SP100: variants seen among roughly 807,000 people sequenced by gnomAD.
SP100 encodes the protein SP100 nuclear body protein.
In SP100, 84 loss-of-function variants were observed where a neutral mutation model predicts 130.0. The ratio of observed to expected loss-of-function variants is 0.65; its 90% confidence interval spans 0.54 to 0.77. SP100 has a LOEUF of 0.77. Ranked by LOEUF, SP100 falls within the 30% of genes least tolerant of loss-of-function variation. The pLI is 0.00. For synonymous variants in SP100, 331 were observed against 351.7 expected (o/e 0.94, Z 0.66); for missense variants, 978 against 1,052.2 (o/e 0.93, Z 0.97).
intron 8 of SP100, among the ~76,000 whole-genome samples, chr2:230,454,248 T>C (rs2064156076): frequency 6.6e-6 from 1 of 152,092 alleles, no homozygotes; most frequent in Non-Finnish European, 1.5e-5. Context: ...CAGTGCTTTG[T>C]TTTGTTGATC....
chr2:230,423,238 T>C (rs2062822774), intron 2 of SP100, among the ~76,000 whole-genome samples: 1 of 152,190 alleles, frequency 6.6e-6, no homozygotes, highest in Admixed American at 6.5e-5. Flanking sequence ...TTTTGATTGT[T>C]TATTGTCCTA....
chr2:230,482,645 C>T (rs893660862), intron 17 of SP100, among the ~76,000 whole-genome samples: 2 of 151,582 alleles, frequency 1.3e-5, no homozygotes, highest in East Asian at 3.9e-4. Flanking sequence ...TTTCTTCTAG[C>T]TTCTCCACTG....
At chr2:230,483,564 A>G (rs1649926) in intron 17 of SP100, among the ~76,000 whole-genome samples, 152,211 of 152,286 alleles carry the variant, frequency 1, 76,068 homozygotes, top group Middle Eastern at 1. Context: ...ACGTTGTGAG[A>G]ACTTCCTCTG....
At chr2:230,461,194 A>G in intron 8 of SP100, 68 bp from the exon 9 acceptor site, 1 of 1,455,224 alleles carries the variant, frequency 6.9e-7, no homozygotes, top group Non-Finnish European at 9.5e-7. Flanking sequence ...AGAGAGGGGG[A>G]GTTATTAATG....
In SP100 at chr2:230,473,314, C is replaced by A; in HGVS notation, c.1430-10C>A. On this transcript the variant is annotated splice_polypyrimidine_tract_variant and intron_variant, in intron 15 of 28. Coordinates refer to ENST00000340126, the MANE Select transcript of SP100 (RefSeq NM_001080391.2). ...GGCACAAATAAAAATGTTTACAAAT[C>A]ACAATTTAGGATCACAGCCACAAGA... The A allele has an allele frequency of 1.3e-6, 2 of 1,595,246 alleles. 1 individual carries two copies.
chr2:230,438,719 T>C (rs1438309770), intron 2 of SP100, among the ~76,000 whole-genome samples: 1 of 152,002 alleles, frequency 6.6e-6, no homozygotes, highest in Non-Finnish European at 1.5e-5. Flanking sequence ...TACATGTATA[T>C]GTGTATATAT....
At chr2:230,497,060 T>G (rs987877852) in intron 18 of SP100, among the ~76,000 whole-genome samples, 1 of 152,168 alleles carries the variant, frequency 6.6e-6, no homozygotes, top group Non-Finnish European at 1.5e-5. Flanking sequence ...CTTTAGTATT[T>G]GGGTAGGAAA....
chr2:230,487,574 G>A (rs1169048812), intron 17 of SP100, among the ~76,000 whole-genome samples: 1 of 152,202 alleles, frequency 6.6e-6, no homozygotes, highest in Non-Finnish European at 1.5e-5. Flanking sequence ...TTTGGTTACT[G>A]TAGCCTTGTA....
At chr2:230,442,903 A>G (rs2063527189) in intron 2 of SP100, 34 bp from the exon 3 acceptor site, 2 of 1,589,894 alleles carry the variant, frequency 1.3e-6, no homozygotes, top group South Asian at 1.1e-5. Context: ...CAGAATCTTG[A>G]TGACCATTTT....
At chr2:230,436,518 C>G (rs911543697) in intron 2 of SP100, among the ~76,000 whole-genome samples, 1 of 152,188 alleles carries the variant, frequency 6.6e-6, no homozygotes, top group African/African-American at 2.4e-5. Context: ...ACTTCTCCTT[C>G]CTGCTGCCTT....
At chr2:230,430,183 A>G (rs958461164) in intron 2 of SP100, among the ~76,000 whole-genome samples, 2 of 152,210 alleles carry the variant, frequency 1.3e-5, no homozygotes, top group Non-Finnish European at 2.9e-5. Context: ...ATGGACAGGC[A>G]GAGCTTGCTG....
chr2:230,532,752 T>G (rs939865731), intron 24 of SP100, among the ~76,000 whole-genome samples: 2 of 152,212 alleles, frequency 1.3e-5, no homozygotes, highest in Non-Finnish European at 2.9e-5. Flanking sequence ...CATGGAAATG[T>G]GTGCTAGTGC....
chr2:230,508,736 G>A (rs565303746), intron 23 of SP100: 20 of 152,166 alleles, frequency 1.3e-4, no homozygotes, highest in Non-Finnish European at 2.5e-4. Flanking sequence ...TTTTTCACTG[G>A]TTTTTCTGGA....
intron 24 of SP100, among the ~76,000 whole-genome samples, chr2:230,527,675 AC>A (rs769135507): frequency 2.6e-5 from 4 of 152,172 alleles, no homozygotes; most frequent in Non-Finnish European, 5.9e-5. Context: ...TATTCAGGAG[AC>A]CCAACTCACA....
intron 24 of SP100, among the ~76,000 whole-genome samples, chr2:230,536,489 G>A (rs751801888): frequency 3.9e-5 from 6 of 152,036 alleles, no homozygotes; most frequent in Non-Finnish European, 5.9e-5. Context: ...GAAACCAACC[G>A]TCAGACCCCC....
At chr2:230,439,597 A>T (rs1326228346) in intron 2 of SP100, among the ~76,000 whole-genome samples, 1 of 150,600 alleles carries the variant, frequency 6.6e-6, no homozygotes, top group Non-Finnish European at 1.5e-5. Flanking sequence ...TTTTTGGTTT[A>T]TTTTTTATTT....
intron 23 of SP100, chr2:230,509,785 C>G (rs907583131): frequency 6.6e-6 from 1 of 152,194 alleles, no homozygotes; most frequent in African/African-American, 2.4e-5. Flanking sequence ...GATAATAAGT[C>G]ATAAAAGTCC....
chr2:230,431,107 G>T (rs1482083013), intron 2 of SP100, among the ~76,000 whole-genome samples: 1 of 152,218 alleles, frequency 6.6e-6, no homozygotes, highest in African/African-American at 2.4e-5. Context: ...GGTGGACAGA[G>T]CTGCTGGCTG....
chr2:230,514,489 T>A (rs574576146), intron 24 of SP100, among the ~76,000 whole-genome samples: 1 of 152,142 alleles, frequency 6.6e-6, no homozygotes, highest in South Asian at 2.1e-4. Context: ...TTTTTGAAAC[T>A]CAAAAATAAT....
Sources: allele counts gnomAD v4.1 joint callset (sites outside exome capture counted in the v4.1 genomes callset), GRCh38; gene constraint gnomAD v4.1.1; transcripts MANE v1.5; gene names NCBI Gene and HGNC (gene_info 2026-07-23, HGNC 2026-07-21).